SEPTIN7: variants seen among roughly 807,000 people sequenced by gnomAD.
The protein encoded by SEPTIN7 is septin-7.
In SEPTIN7, 10 loss-of-function variants were observed where a neutral mutation model predicts 63.3. The observed-to-expected ratio is 0.16, with a 90% CI of 0.10 to 0.27. The LOEUF (loss-of-function observed/expected upper bound fraction) is 0.27, where lower values mean the gene tolerates loss of function less well. Ranked by LOEUF, SEPTIN7 falls within the 10% of genes least tolerant of loss-of-function variation. SEPTIN7 has a pLI of 1.00. For synonymous variants in SEPTIN7, 131 were observed against 165.3 expected, an observed-to-expected ratio of 0.79 and a Z score of 1.59; for missense variants, 310 against 521.0, an observed-to-expected ratio of 0.59 and a Z score of 3.94.
chr7:35,839,468 T>TTAATGGCTA (rs1784294740), intron 3 of SEPTIN7, among the ~76,000 whole-genome samples: 1 of 152,238 alleles, frequency 6.6e-6, no homozygotes, highest in Non-Finnish European at 1.5e-5. Flanking sequence ...ACGATAATGC[T>TTAATGGCTA]TAATGGCTAT....
chr7:35,877,281 TTAGAA>T (rs758979715), intron 6 of SEPTIN7, among the ~76,000 whole-genome samples: 48 of 152,272 alleles, frequency 3.2e-4, no homozygotes, highest in Non-Finnish European at 5.3e-4. Context: ...ACAAGGAGAA[TTAGAA>T]TAGGAGGCAG....
intron 1 of SEPTIN7, among the ~76,000 whole-genome samples, chr7:35,829,948 G>A (rs1458764853): frequency 4.6e-5 from 7 of 152,140 alleles, no homozygotes; most frequent in Non-Finnish European, 8.8e-5. Context: ...AGCACTTTGG[G>A]AGGCCAAGGC....
At chr7:35,913,402 T>A in the SEPTIN7 span, among the ~76,000 whole-genome samples, 2 of 151,630 alleles carry the variant, frequency 1.3e-5, no homozygotes, top group African/African-American at 4.8e-5. Context: ...TCTTTCTTTC[T>A]TTCTCTTTCT....
intron 1 of SEPTIN7, among the ~76,000 whole-genome samples, chr7:35,825,718 T>C (rs1783478332): frequency 6.6e-6 from 1 of 152,162 alleles, no homozygotes; most frequent in African/African-American, 2.4e-5. Flanking sequence ...GCTTGGCATA[T>C]TGTAAGTATG....
At chr7:35,881,962 A>G (rs1337253669) in intron 7 of SEPTIN7, among the ~76,000 whole-genome samples, 4 of 151,800 alleles carry the variant, frequency 2.6e-5, no homozygotes, top group African/African-American at 9.7e-5. Context: ...TTGCTCCTCA[A>G]TTTGTGTGTA....
chr7:35,810,418 C>T (rs1788616065), intron 1 of SEPTIN7, among the ~76,000 whole-genome samples: 1 of 151,510 alleles, frequency 6.6e-6, no homozygotes, highest in Admixed American at 6.6e-5. Flanking sequence ...CCGCCTCCCA[C>T]GTTAACGCCA....
intron 1 of SEPTIN7, among the ~76,000 whole-genome samples, chr7:35,810,614 C>T (rs1239255622): frequency 3.3e-5 from 5 of 151,368 alleles, no homozygotes; most frequent in Admixed American, 6.6e-5. Context: ...TGAGCCACCG[C>T]GCCCAGCCAG....
chr7:35,899,635 C>G (rs994158069), intron 12 of SEPTIN7: 3 of 152,272 alleles, frequency 2.0e-5, no homozygotes, highest in African/African-American at 7.2e-5. Flanking sequence ...GTAATCCCAG[C>G]AGTTTGGGAG....
chr7:35,898,492 A>C, intron 12 of SEPTIN7, 109 bp downstream of exon 12: 1 of 666,736 alleles, frequency 1.5e-6, no homozygotes, highest in Non-Finnish European at 2.5e-6. Context: ...TTTTTTCAAA[A>C]TTAATACCCT....
intron 11 of SEPTIN7, among the ~76,000 whole-genome samples, chr7:35,892,494 A>T (rs1398008240): frequency 6.6e-6 from 1 of 152,168 alleles, no homozygotes; most frequent in African/African-American, 2.4e-5. Context: ...AAAGCTACTG[A>T]TAATTTTGTA....
chr7:35,832,633 G>A (rs1049789737), intron 2 of SEPTIN7, 165 bp from the exon 3 acceptor site: 1 of 588,232 alleles, frequency 1.7e-6, no homozygotes, highest in Non-Finnish European at 3.2e-6. Flanking sequence ...AAATAATTTT[G>A]TCCATTTAAG....
intron 3 of SEPTIN7, among the ~76,000 whole-genome samples, chr7:35,852,653 T>G (rs916342550): frequency 2.0e-5 from 3 of 152,230 alleles, no homozygotes; most frequent in African/African-American, 7.2e-5. Flanking sequence ...CACAATGATT[T>G]GAGTAAGGTG....
rs1296335725 is a variant in SEPTIN7 at position 35,882,537 on chromosome 7, A to C, written c.684A>C (p.Thr228=). 1 of 1,488,208 alleles carries C rather than the reference A, an allele frequency of 6.7e-7. No individual in the cohort carries two copies. Among genetic ancestry groups the C allele is most frequent in the Non-Finnish European group, 9.0e-7 (1 of 1,108,732 alleles). 92.2% of individuals were successfully genotyped at this position (1,488,208 alleles called of 1,614,324 possible). ...HKIKIYEFPE[T]DDEEENKLVK... ...TTAAAATATACGAATTTCCAGAAAC[A>C]GATGATGAAGAAGAAAATAAACTTG... Residue 228 remains threonine (T), a synonymous_variant, in exon 8 of 14, where the codon ACA becomes ACC. Transcript: ENST00000350320.
chr7:35,809,383 G>A (rs1426321896), intron 1 of SEPTIN7, among the ~76,000 whole-genome samples: 1 of 152,184 alleles, frequency 6.6e-6, no homozygotes, highest in Admixed American at 6.5e-5. Context: ...TTAGCATGAT[G>A]CCTGGCATAT....
At chr7:35,886,453 A>G (rs913665443) in intron 10 of SEPTIN7, among the ~76,000 whole-genome samples, 2 of 152,130 alleles carry the variant, frequency 1.3e-5, no homozygotes, top group African/African-American at 4.8e-5. Context: ...ATCTCTTACT[A>G]ATGAATTAGA....
chr7:35,912,784 A>G, the SEPTIN7 span, among the ~76,000 whole-genome samples: 1 of 152,232 alleles, frequency 6.6e-6, no homozygotes, highest in Non-Finnish European at 1.5e-5. Context: ...ATTCTCAGCC[A>G]CACTTAGTTT....
At chr7:35,829,966 T>A (rs1783745378) in intron 1 of SEPTIN7, among the ~76,000 whole-genome samples, 1 of 151,880 alleles carries the variant, frequency 6.6e-6, no homozygotes, top group Non-Finnish European at 1.5e-5. Flanking sequence ...GGCGGGTGGA[T>A]CATGAGGTCA....
chr7:35,857,108 G>A (rs1785252365), intron 3 of SEPTIN7, among the ~76,000 whole-genome samples: 1 of 152,036 alleles, frequency 6.6e-6, no homozygotes. Context: ...TATTGGGGGG[G>A]CAAAATTGTG....
chr7:35,900,588 G>T (rs181585781), intron 12 of SEPTIN7: 3 of 151,964 alleles, frequency 2.0e-5, no homozygotes, highest in African/African-American at 4.8e-5. Context: ...CCAAAAGGGG[G>T]AAAAAAACAG....
Sources: allele counts gnomAD v4.1 joint callset (sites outside exome capture counted in the v4.1 genomes callset), GRCh38; gene constraint gnomAD v4.1.1; transcripts MANE v1.5; gene names NCBI Gene and HGNC (gene_info 2026-07-23, HGNC 2026-07-21).